The following OTOGL variants were observed in gnomAD, a reference collection of about 807,000 sequenced individuals.
OTOGL encodes the protein otogelin like, also known as otogelin-like protein.
Under a neutral mutation model 318.5 loss-of-function variants are expected in OTOGL, and 285 were observed. The ratio of observed to expected loss-of-function variants is 0.89; its 90% CI spans 0.81 to 0.99. The LOEUF (loss-of-function observed/expected upper bound fraction) is 0.99, where lower values mean the gene tolerates loss of function less well. OTOGL is among the 50% of genes least tolerant of loss of function. The pLI, the probability that OTOGL is intolerant of heterozygous loss-of-function variation, is 0.00. For missense variants in OTOGL, 2,899 were observed against 2,845.6 expected, an observed-to-expected ratio of 1.02 and a Z score of -0.43; for synonymous variants, 987 against 936.5, an observed-to-expected ratio of 1.05 and a Z score of -0.99.
At chr12:80,212,085 T>C in intron 4 of OTOGL, 88 bp downstream of exon 4, 2 of 1,286,580 alleles carry the variant, frequency 1.6e-6, no homozygotes, top group Middle Eastern at 1.8e-4. Flanking sequence ...GAGACCTTTG[T>C]GGAGGGGAAT....
chr12:80,104,931 C>G (rs1165401048), intron 1 of OTOGL, among the ~76,000 whole-genome samples: 2 of 152,046 alleles, frequency 1.3e-5, no homozygotes, highest in Admixed American at 1.3e-4. Flanking sequence ...CCTGTCTCTA[C>G]TAAAAATTCA....
intron 1 of OTOGL, chr12:80,131,063 C>T (rs571677512): frequency 1.3e-5 from 2 of 152,322 alleles, no homozygotes; most frequent in South Asian, 4.1e-4. Context: ...AGGGTTGAGA[C>T]AGTCGGAACC....
chr12:80,278,316 A>G, intron 25 of OTOGL, 41 bp downstream of exon 25: 5 of 1,370,500 alleles, frequency 3.6e-6, no homozygotes, highest in Non-Finnish European at 5.1e-6. Context: ...TTCCTAAGTA[A>G]TTGTGTAAAT....
intron 1 of OTOGL, among the ~76,000 whole-genome samples, chr12:80,191,041 T>A (rs1875659433): frequency 6.6e-6 from 1 of 152,194 alleles, no homozygotes; most frequent in South Asian, 2.1e-4. Context: ...ACAGGAGTAG[T>A]GTAACCCATA....
At chr12:80,321,660 G>C (rs1387521523) in intron 34 of OTOGL, among the ~76,000 whole-genome samples, 1 of 152,144 alleles carries the variant, frequency 6.6e-6, no homozygotes, top group East Asian at 1.9e-4. Flanking sequence ...TCTGGCAGGA[G>C]GTTTTGTGCA....
At position 80,222,208 on chromosome 12, in the gene OTOGL, A is replaced by G. The variant is rs752399123; in HGVS notation, c.452A>G (p.Lys151Arg). The change falls in exon 7 of 59, where the codon AAG (lysine) becomes AGG (arginine). Residue 151 changes from lysine (K) to arginine (R), a missense_variant. Lys to Arg is a conservative substitution (Grantham distance 26). Transcript: ENST00000547103. ...FPGNCSYIFAKDCGDLEPRYT... is the reference protein window; with the variant it reads ...FPGNCSYIFARDCGDLEPRYT... ...GGAAACTGTTCTTACATTTTTGCAA[A>G]GGACTGTGGTGATTTGGAGCCTCGG... 1 of 1,598,110 alleles carries G rather than the reference A, an allele frequency of 6.3e-7. No individual in the cohort carries two copies. Among genetic ancestry groups the G allele is most frequent in the South Asian group, 1.1e-5 (1 of 91,034 alleles).
chr12:80,347,336 C>T (rs992492391), intron 44 of OTOGL, among the ~76,000 whole-genome samples: 8 of 152,200 alleles, frequency 5.3e-5, no homozygotes, highest in African/African-American at 9.6e-5. Context: ...TGTTCCCCTC[C>T]CTGTGTCCAT....
intron 37 of OTOGL, among the ~76,000 whole-genome samples, chr12:80,330,066 A>C (rs1396717848): frequency 1.3e-5 from 2 of 152,244 alleles, no homozygotes; most frequent in Non-Finnish European, 2.9e-5. Flanking sequence ...GTGAGAGAGA[A>C]TATGTCACAT....
At chr12:80,217,803 T>C in intron 5 of OTOGL, 139 bp downstream of exon 5, 1 of 593,338 alleles carries the variant, frequency 1.7e-6, no homozygotes, top group Non-Finnish European at 2.8e-6. Context: ...TAGTAATAAT[T>C]TAAGTTCACT....
At chr12:80,127,660 G>A (rs998269926) in intron 1 of OTOGL, among the ~76,000 whole-genome samples, 7 of 152,120 alleles carry the variant, frequency 4.6e-5, no homozygotes, top group Admixed American at 1.3e-4. Flanking sequence ...CATTCTCTCC[G>A]TCATTTTCAG....
intron 43 of OTOGL, among the ~76,000 whole-genome samples, chr12:80,340,410 T>G (rs1160305621): frequency 6.6e-6 from 1 of 152,216 alleles, no homozygotes; most frequent in East Asian, 1.9e-4. Flanking sequence ...GTATATGTAC[T>G]AAATCAATAG....
chr12:80,329,910 G>C (rs1367752507), intron 37 of OTOGL, among the ~76,000 whole-genome samples: 2 of 152,092 alleles, frequency 1.3e-5, no homozygotes, highest in African/African-American at 4.8e-5. Flanking sequence ...CTTACAACAG[G>C]GGTAAATACA....
intron 44 of OTOGL, chr12:80,343,509 G>GTTTTTTTTTTTTTTTTTTTT (rs58046272): frequency 3.6e-4 from 13 of 35,860 alleles, no homozygotes; most frequent in South Asian, 1.2e-3. Flanking sequence ...TTTTATTCTT[G>GTTTTTTTTTTTTTTTTTTTT]TTTTTTTTTT....
At chr12:80,141,003 T>C (rs1592487491) in intron 1 of OTOGL, among the ~76,000 whole-genome samples, 1 of 152,312 alleles carries the variant, frequency 6.6e-6, no homozygotes, top group Admixed American at 6.5e-5. Flanking sequence ...TAAATCCTGA[T>C]ATTGTTAAAA....
At chr12:80,156,506 G>A (rs944557032) in intron 1 of OTOGL, among the ~76,000 whole-genome samples, 6 of 152,150 alleles carry the variant, frequency 3.9e-5, no homozygotes, top group African/African-American at 7.2e-5. Flanking sequence ...GTTTGGCTGC[G>A]TCCCCCATAC....
At position 80,358,869 on chromosome 12, in the gene OTOGL, G is replaced by T; in HGVS notation, c.6236G>T (p.Cys2079Phe). The change falls in exon 52 of 59, where the codon TGT becomes TTT. Residue 2079 changes from cysteine to phenylalanine, a missense_variant. Transcript: ENST00000547103. ...CCPTWHCECNCENLIMPTCEV... is the reference protein window; with the variant it reads ...CCPTWHCECNFENLIMPTCEV... Reference sequence around the variant, plus strand: ...GATTTTTGCCTTTTAGAATGTAACTGTGAAAACCTTATTATGCCAACTTGT... The same window carrying T: ...GATTTTTGCCTTTTAGAATGTAACTTTGAAAACCTTATTATGCCAACTTGT... 1 of 1,517,386 alleles carries T rather than the reference G, an allele frequency of 6.6e-7. No individual in the cohort carries two copies. The highest frequency in any genetic ancestry group is 1.4e-5 in the African/African-American group (1 of 72,512). The allele number at this position is 1,517,386 out of a possible 1,614,324, so 94.0% of individuals were successfully genotyped here.
chr12:80,307,717 C>T (rs548796315), intron 29 of OTOGL, among the ~76,000 whole-genome samples: 65 of 144,640 alleles, frequency 4.5e-4, no homozygotes, highest in African/African-American at 1.3e-3. Flanking sequence ...ACTTCCCGGA[C>T]GGGGCGGCTG....
rs376127734 is a variant in OTOGL at position 80,319,420 on chromosome 12, C to T, written c.3802+707C>T. On this transcript the variant is annotated intron_variant, in intron 33 of 58. Transcript: ENST00000547103. The stretch of plus-strand genomic sequence containing the variant: ...ATGAATCAATCAGACTTAACTTTCG[C>T]TTATTCTGAGAATGCTCACAATTCT... Among the ~76,000 whole-genome samples, 5 of 152,140 alleles carry T rather than the reference C, an allele frequency of 3.3e-5. No homozygotes were observed. In the East Asian group the frequency reaches 5.8e-4, roughly 18 times the overall value.
At chr12:80,226,264 G>A (rs73150371) in intron 7 of OTOGL, among the ~76,000 whole-genome samples, 136 of 147,244 alleles carry the variant, frequency 9.2e-4, no homozygotes, top group Non-Finnish European at 1.5e-3. Context: ...CACCATTTTT[G>A]GTTAAATAAT....
Sources: gnomAD v4.1 joint callset for allele counts (sites outside exome capture counted in the v4.1 genomes callset) on GRCh38, gnomAD v4.1.1 for gene constraint, MANE v1.5 for transcripts, NCBI Gene and HGNC (gene_info 2026-07-23, HGNC 2026-07-21) for gene names.